NEBL: variants seen among roughly 807,000 people sequenced by gnomAD.
NEBL encodes nebulette, also known as LIM and SH3 protein 2.
NEBL carries 122 observed loss-of-function variants against 140.2 expected under a neutral mutation model. The observed-to-expected ratio is 0.87, with a 90% CI of 0.75 to 1.01. NEBL has a LOEUF of 1.01. Among genes scored for constraint, NEBL ranks in the 50% least tolerant of loss-of-function variants. The pLI, the probability that NEBL is intolerant of heterozygous loss-of-function variation, is 0.00. For missense variants in NEBL, 1,365 were observed against 1,231.3 expected, an observed-to-expected ratio of 1.11 and a Z score of -1.62; for synonymous variants, 436 against 398.9, an observed-to-expected ratio of 1.09 and a Z score of -1.11.
chr10:20,872,508 C>T (rs984275125), intron 5 of NEBL, among the ~76,000 whole-genome samples: 2 of 152,084 alleles, frequency 1.3e-5, no homozygotes, highest in Non-Finnish European at 2.9e-5. Context: ...CACACAGATT[C>T]CTACACGTAA....
chr10:21,268,514 T>G (rs1304907796), intron 1 of NEBL, among the ~76,000 whole-genome samples: 1 of 139,172 alleles, frequency 7.2e-6, no homozygotes, highest in Non-Finnish European at 1.5e-5. Context: ...AAAATAAAAA[T>G]TTTAATTTAA....
rs1477984735 is a variant in NEBL at position 20,820,160 on chromosome 10, T to C, written c.1963-644A>G. On this transcript the variant is annotated intron_variant, in intron 19 of 27. Transcript: ENST00000377122. Reference sequence around the variant, plus strand: ...ACTTTAGTGATAGACTATTACTGTATAAAGAAACCTTGAACTTCAAAGGTT... The same window carrying C: ...ACTTTAGTGATAGACTATTACTGTACAAAGAAACCTTGAACTTCAAAGGTT... Among the ~76,000 whole-genome samples the C allele has an allele frequency of 2.6e-5, 4 of 152,216 alleles. No homozygotes were observed. The East Asian group carries it at 7.7e-4, about 29-fold the overall frequency.
chr10:20,794,045 C>T (rs989183451), intron 26 of NEBL, among the ~76,000 whole-genome samples: 13 of 152,176 alleles, frequency 8.5e-5, no homozygotes, highest in Non-Finnish European at 1.5e-5. Flanking sequence ...GAACCTGGGC[C>T]TCGGGAAGCA....
chr10:20,880,783 C>G lies in NEBL; in HGVS notation c.480+11G>C. 6.3e-7 allele frequency: 1 copy of G among 1,580,864 alleles called. No individual in the cohort carries two copies. Among genetic ancestry groups the G allele is most frequent in the Non-Finnish European group, 8.7e-7 (1 of 1,149,726 alleles). On this transcript the variant is annotated intron_variant, in intron 5 of 27. Coordinates refer to ENST00000377122, the MANE Select transcript of NEBL (RefSeq NM_006393.3). ...GTTCGCTAGAAAATCATGAGAAATGCGCTTCCTTACATTACTCTGGTGTTT... is the reference window on the plus strand; with the variant it reads ...GTTCGCTAGAAAATCATGAGAAATGGGCTTCCTTACATTACTCTGGTGTTT...
chr10:21,262,110 C>T (rs1842746068), intron 1 of NEBL, among the ~76,000 whole-genome samples: 1 of 152,170 alleles, frequency 6.6e-6, no homozygotes, highest in Admixed American at 6.5e-5. Flanking sequence ...TCCTGGCACA[C>T]ACGCCTGGTG....
At chr10:20,823,515 ACTATAGGAGTTTTTTAAG>A (rs1377292587) in intron 18 of NEBL, among the ~76,000 whole-genome samples, 2 of 152,112 alleles carry the variant, frequency 1.3e-5, no homozygotes, top group Non-Finnish European at 2.9e-5. Context: ...CTTATTCATC[ACTATAGGAGTTTTTTAAG>A]TAAAATAAGC....
At chr10:20,893,385 T>A (rs1433219782) in intron 2 of NEBL, among the ~76,000 whole-genome samples, 2 of 152,186 alleles carry the variant, frequency 1.3e-5, no homozygotes, top group Non-Finnish European at 2.9e-5. Flanking sequence ...TAGTATTATG[T>A]GATTAACAGA....
intron 9 of NEBL, 36 bp from the exon 10 acceptor site, chr10:20,852,685 AAGAGACTGATT>A: frequency 6.8e-7 from 1 of 1,472,704 alleles, no homozygotes; most frequent in South Asian, 1.1e-5. Flanking sequence ...CTTAGAATCA[AAGAGACTGATT>A]AGAGCAATAA....
At chr10:21,284,423 G>C (rs376263916) in intron 1 of NEBL, among the ~76,000 whole-genome samples, 3 of 143,950 alleles carry the variant, frequency 2.1e-5, no homozygotes, top group African/African-American at 5.1e-5. Flanking sequence ...CCAAGTTCCA[G>C]AATTACTCCT....
chr10:21,000,185 GATAGAGGGGGA>G (rs1359124038), intron 3 of NEBL, among the ~76,000 whole-genome samples: 2 of 114,290 alleles, frequency 1.7e-5, no homozygotes, highest in African/African-American at 3.3e-5. Context: ...GGCAGAGGGG[GATAGAGGGGGA>G]ATAGAGGGGG....
At position 20,839,363 on chromosome 10, in the gene NEBL, T is replaced by C. The variant is rs139062879; in HGVS notation, c.1338+1376A>G. On this transcript the variant is annotated intron_variant, in intron 13 of 27. Coordinates refer to ENST00000377122, the MANE Select transcript of NEBL (RefSeq NM_006393.3). Reference sequence around the variant, plus strand: ...CAGAAAATGACTAATGTAGGGTTAATGTGATGACAATGTTAGCCACAGACC... The same window carrying C: ...CAGAAAATGACTAATGTAGGGTTAACGTGATGACAATGTTAGCCACAGACC... Among the ~76,000 whole-genome samples the C allele has an allele frequency of 2.8e-3, 424 of 152,308 alleles. 1 individual carries two copies. The highest frequency in any genetic ancestry group is 9.9e-3 in the African/African-American group (411 of 41,538).
At chr10:21,055,228 A>G (rs1023800538) in intron 2 of NEBL, among the ~76,000 whole-genome samples, 1 of 152,254 alleles carries the variant, frequency 6.6e-6, no homozygotes. Flanking sequence ...AAAAAGTCCA[A>G]GCAAATCTTT....
At chr10:21,192,714 G>A (rs1326892768) in intron 3 of NEBL, among the ~76,000 whole-genome samples, 4 of 151,146 alleles carry the variant, frequency 2.6e-5, no homozygotes, top group Admixed American at 6.6e-5. Context: ...GCATGGTGGT[G>A]CGTGCCTGTA....
chr10:21,086,507 G>A (rs1003891484), intron 2 of NEBL, among the ~76,000 whole-genome samples: 2 of 152,170 alleles, frequency 1.3e-5, no homozygotes, highest in South Asian at 4.1e-4. Flanking sequence ...GTCGGGCATG[G>A]TGGCTCACAC....
At chr10:21,065,857 A>G (rs1835511716) in intron 2 of NEBL, among the ~76,000 whole-genome samples, 1 of 152,224 alleles carries the variant, frequency 6.6e-6, no homozygotes. Context: ...AAATTGCACC[A>G]GGTTAAGAAC....
At chr10:21,235,853 GAC>G (rs1016906721) in intron 3 of NEBL, among the ~76,000 whole-genome samples, 3 of 152,166 alleles carry the variant, frequency 2.0e-5, no homozygotes, top group Non-Finnish European at 2.9e-5. Flanking sequence ...ATCGATTTAT[GAC>G]ACACCCATCT....
intron 4 of NEBL, among the ~76,000 whole-genome samples, chr10:20,886,464 G>A (rs777396287): frequency 1.3e-5 from 2 of 152,166 alleles, no homozygotes; most frequent in Non-Finnish European, 2.9e-5. Context: ...GGGAGGCAGA[G>A]GTTGCAGTGA....
intron 3 of NEBL, among the ~76,000 whole-genome samples, chr10:21,007,617 T>C (rs1457158760): frequency 1.3e-5 from 2 of 152,222 alleles, no homozygotes; most frequent in African/African-American, 4.8e-5. Flanking sequence ...GGTTATTTAT[T>C]AGTAACCATT....
At chr10:21,259,906 A>G (rs1234587531) in intron 1 of NEBL, among the ~76,000 whole-genome samples, 5 of 152,222 alleles carry the variant, frequency 3.3e-5, no homozygotes, top group Non-Finnish European at 5.9e-5. Flanking sequence ...CGGAGGAAGC[A>G]TGTCACCCTG....
Sources: allele counts gnomAD v4.1 joint callset (sites outside exome capture counted in the v4.1 genomes callset), GRCh38; gene constraint gnomAD v4.1.1; transcripts MANE v1.5; gene names NCBI Gene and HGNC (gene_info 2026-07-23, HGNC 2026-07-21).